The following THEMIS variants were observed in gnomAD, a reference collection of about 807,000 sequenced individuals.
THEMIS encodes thymocyte selection associated.
In THEMIS, 37 loss-of-function variants were observed where a neutral mutation model predicts 52.6. That is an observed-to-expected ratio of 0.70 (90% CI 0.54 to 0.93). The LOEUF is 0.93. Ranked by LOEUF, THEMIS falls within the 40% of genes least tolerant of loss-of-function variation. THEMIS has a pLI of 0.00. For synonymous variants in THEMIS, 292 were observed against 272.7 expected (o/e 1.07, Z -0.70); for missense variants, 808 against 763.1 (o/e 1.06, Z -0.69).
At chr6:127,727,620 G>A (rs1774596525) in intron 4 of THEMIS, among the ~76,000 whole-genome samples, 1 of 152,038 alleles carries the variant, frequency 6.6e-6, no homozygotes, top group Non-Finnish European at 1.5e-5. Context: ...TAAATGTCCT[G>A]GCAATCTGAT....
At chr6:127,794,822 A>G (rs1408496240) in intron 4 of THEMIS, among the ~76,000 whole-genome samples, 5 of 152,128 alleles carry the variant, frequency 3.3e-5, no homozygotes, top group Non-Finnish European at 7.4e-5. Context: ...AGCACTCTTA[A>G]TGCTCTAACA....
At chr6:127,803,710 T>G (rs949455882) in intron 4 of THEMIS, among the ~76,000 whole-genome samples, 2 of 152,088 alleles carry the variant, frequency 1.3e-5, no homozygotes, top group Admixed American at 6.6e-5. Context: ...TCATAGAGAG[T>G]TCAAGATATT....
chr6:127,713,873 T>C (rs1161944040), intron 5 of THEMIS, among the ~76,000 whole-genome samples: 2 of 151,842 alleles, frequency 1.3e-5, no homozygotes, highest in Non-Finnish European at 2.9e-5. Context: ...AAGATTATTA[T>C]ACACTTACTC....
chr6:127,780,256 A>C (rs1048789377), intron 4 of THEMIS, among the ~76,000 whole-genome samples: 1 of 152,068 alleles, frequency 6.6e-6, no homozygotes, highest in African/African-American at 2.4e-5. Context: ...TGCTTGGTAA[A>C]TATTCTTCCA....
At chr6:127,771,938 G>T (rs1316249113) in intron 4 of THEMIS, among the ~76,000 whole-genome samples, 1 of 152,074 alleles carries the variant, frequency 6.6e-6, no homozygotes, top group East Asian at 1.9e-4. Context: ...ATATGGAAAT[G>T]TACGATTTAG....
chr6:127,771,915 G>A (rs1776398564), intron 4 of THEMIS, among the ~76,000 whole-genome samples: 1 of 151,922 alleles, frequency 6.6e-6, no homozygotes, highest in Non-Finnish European at 1.5e-5. Flanking sequence ...TATATCATAA[G>A]GCATATATGA....
At chr6:127,825,504 A>G (rs949732827) in intron 3 of THEMIS, among the ~76,000 whole-genome samples, 5 of 152,164 alleles carry the variant, frequency 3.3e-5, no homozygotes, top group African/African-American at 1.2e-4. Flanking sequence ...AATATTTTTC[A>G]AACATTCATG....
In THEMIS at chr6:127,877,924, G is replaced by A. The variant is rs1034375525; in HGVS notation, c.92-22736C>T. On this transcript the variant is annotated intron_variant, in intron 1 of 5. Coordinates refer to ENST00000368248, the MANE Select transcript of THEMIS (RefSeq NM_001010923.3). Reference sequence around the variant, plus strand: ...TATGCCTGTATGCATCTGTTCAAGAGTTTTAACCACAGGGAAAGGATCAGG... The same window carrying A: ...TATGCCTGTATGCATCTGTTCAAGAATTTTAACCACAGGGAAAGGATCAGG... Among the ~76,000 whole-genome samples the A allele has an allele frequency of 3.9e-5, 6 of 152,284 alleles. No homozygotes were observed. The East Asian group carries it at 7.7e-4, about 20-fold the overall frequency.
At chr6:127,910,462 T>C (rs1444061279) in intron 1 of THEMIS, among the ~76,000 whole-genome samples, 1 of 152,146 alleles carries the variant, frequency 6.6e-6, no homozygotes, top group African/African-American at 2.4e-5. Context: ...TCAAAAGTAA[T>C]TGAATATTTT....
At chr6:127,884,818 A>T (rs1780596192) in intron 1 of THEMIS, among the ~76,000 whole-genome samples, 1 of 152,146 alleles carries the variant, frequency 6.6e-6, no homozygotes, top group African/African-American at 2.4e-5. Context: ...GTTTCTGGTG[A>T]GGCCTCTCTT....
chr6:127,846,873 T>C (rs1372538943), intron 2 of THEMIS, among the ~76,000 whole-genome samples: 2 of 151,486 alleles, frequency 1.3e-5, no homozygotes, highest in African/African-American at 2.4e-5. Context: ...CTGAATATAG[T>C]TGCAAAAATC....
rs994734623 is a variant in THEMIS, at chr6:127,750,051, A to C, written c.1759-30228T>G. 4.7e-5 allele frequency among the ~76,000 whole-genome samples: 7 copies of C among 149,014 alleles called. No homozygotes were observed. The South Asian group carries it at 1.3e-3, about 28-fold the overall frequency. On this transcript the variant is annotated intron_variant, in intron 4 of 5. Transcript: ENST00000368248. ...AGAAAGGCTTATCAGACATACTCTA[A>C]CAAATTAAATGTCAATGGATTCATT...
chr6:127,879,022 G>T (rs1481486341), intron 1 of THEMIS, among the ~76,000 whole-genome samples: 1 of 152,048 alleles, frequency 6.6e-6, no homozygotes, highest in Non-Finnish European at 1.5e-5. Flanking sequence ...TATCTTTGTG[G>T]ATTAAAATAC....
At chr6:127,866,184 G>C (rs1251884619) in intron 1 of THEMIS, among the ~76,000 whole-genome samples, 1 of 151,582 alleles carries the variant, frequency 6.6e-6, no homozygotes, top group East Asian at 1.9e-4. Context: ...TTCGTTTTCT[G>C]TTTTATTGAA....
chr6:127,848,156 G>A (rs1779287812), intron 2 of THEMIS, among the ~76,000 whole-genome samples: 1 of 137,810 alleles, frequency 7.3e-6, no homozygotes, highest in Admixed American at 8.4e-5. Flanking sequence ...TCCCACCTAT[G>A]AATGAGAACA....
At chr6:127,856,071 GC>G (rs1779609100) in intron 1 of THEMIS, among the ~76,000 whole-genome samples, 1 of 151,964 alleles carries the variant, frequency 6.6e-6, no homozygotes, top group South Asian at 2.1e-4. Flanking sequence ...AGAGCTGTGA[GC>G]TTTTATATAT....
intron 4 of THEMIS, among the ~76,000 whole-genome samples, chr6:127,751,264 A>C (rs1198696332): frequency 6.6e-6 from 1 of 151,824 alleles, no homozygotes; most frequent in Non-Finnish European, 1.5e-5. Context: ...CTTTGTGATC[A>C]AACTTCGTTG....
At chr6:127,715,564 G>A (rs1420244590) in intron 5 of THEMIS, among the ~76,000 whole-genome samples, 1 of 151,826 alleles carries the variant, frequency 6.6e-6, no homozygotes, top group African/African-American at 2.4e-5. Context: ...AAACTACTTA[G>A]GTTTTATTTT....
intron 3 of THEMIS, among the ~76,000 whole-genome samples, chr6:127,816,950 C>G (rs984917266): frequency 6.6e-6 from 1 of 152,192 alleles, no homozygotes; most frequent in African/African-American, 2.4e-5. Context: ...AACTCCTCTT[C>G]TTCTTCAAGT....
Sources: allele counts gnomAD v4.1 joint callset (sites outside exome capture counted in the v4.1 genomes callset), GRCh38; gene constraint gnomAD v4.1.1; transcripts MANE v1.5; gene names NCBI Gene and HGNC (gene_info 2026-07-23, HGNC 2026-07-21).